Variants in CSMD2 observed in about 807,000 individuals in gnomAD.
CSMD2 encodes CUB and sushi domain-containing protein 2.
Under a neutral mutation model 398.5 loss-of-function variants are expected in CSMD2, and 130 were observed. The observed-to-expected ratio is 0.33, with a 90% CI of 0.28 to 0.38. The LOEUF is 0.38. Among genes scored for constraint, CSMD2 ranks in the 10% least tolerant of loss-of-function variants. CSMD2 has a pLI of 1.00. For missense variants in CSMD2, 3,829 were observed against 4,764.9 expected, an observed-to-expected ratio of 0.80 and a Z score of 5.78; for synonymous variants, 1,828 against 1,908.5, an observed-to-expected ratio of 0.96 and a Z score of 1.10.
intron 3 of CSMD2, among the ~76,000 whole-genome samples, chr1:33,984,334 G>A (rs877807): frequency 0.23 from 35,030 of 151,778 alleles, 4,927 homozygotes; most frequent in Non-Finnish European, 0.32. Context: ...TCTTGAAAGT[G>A]CAACAGGTTC....
intron 25 of CSMD2, among the ~76,000 whole-genome samples, chr1:33,680,907 C>T (rs558783878): frequency 2.2e-5 from 3 of 136,396 alleles, no homozygotes; most frequent in Admixed American, 7.7e-5. Flanking sequence ...TTTCCATCAT[C>T]CTGTTTTATG....
At position 33,519,668 on chromosome 1, in the gene CSMD2, G is replaced by A. The variant is rs1654074669; in HGVS notation, c.10746C>T (p.Pro3582=). The stretch of plus-strand genomic sequence containing the variant: ...CAGCATAGCCATTGAAAGGAACTTT[G>A]GGTCTTCTCCTGGCGATAAAAGAGG... ...VLYLYKHRRR[P]KVPFNGYAGH... Residue 3582 remains proline (P), a synonymous_variant, in exon 70 of 71, where the codon CCC becomes CCT. Coordinates refer to ENST00000373381, the MANE Select transcript of CSMD2 (RefSeq NM_001281956.2). The surrounding 1 kb of genome is among the most constrained non-coding windows in gnomAD (Gnocchi z 5.6). 1.2e-6 allele frequency: 2 copies of A among 1,613,936 alleles called. No individual in the cohort carries two copies. Among genetic ancestry groups the A allele is most frequent in the Non-Finnish European group, 1.7e-6 (2 of 1,180,012 alleles).
At chr1:33,554,174 G>GA (rs1657735451) in intron 55 of CSMD2, among the ~76,000 whole-genome samples, 1 of 131,608 alleles carries the variant, frequency 7.6e-6, no homozygotes, top group South Asian at 2.4e-4. Flanking sequence ...TTTAAAGGTA[G>GA]AAAAAACAGC....
chr1:33,952,677 C>CAT (rs1645043264), intron 3 of CSMD2, among the ~76,000 whole-genome samples: 1 of 119,764 alleles, frequency 8.3e-6, no homozygotes, highest in Non-Finnish European at 1.6e-5. Flanking sequence ...TTGTTGTTTA[C>CAT]ACACACACAC....
intron 24 of CSMD2, among the ~76,000 whole-genome samples, chr1:33,693,564 A>G (rs1405877701): frequency 6.6e-6 from 1 of 152,230 alleles, no homozygotes; most frequent in African/African-American, 2.4e-5. Context: ...CATAGTCACC[A>G]TATGACCTAG....
chr1:33,521,119 C>T (rs1352873979), intron 68 of CSMD2, among the ~76,000 whole-genome samples: 1 of 152,184 alleles, frequency 6.6e-6, no homozygotes, highest in African/African-American at 2.4e-5. Flanking sequence ...AGACACTCCA[C>T]AGTGTCGTTG....
At chr1:34,068,865 C>T (rs1313821254) in intron 2 of CSMD2, among the ~76,000 whole-genome samples, 2 of 152,160 alleles carry the variant, frequency 1.3e-5, no homozygotes, top group African/African-American at 4.8e-5. Context: ...TTGCTCTTTG[C>T]CTGCTGCCAT....
intron 12 of CSMD2, among the ~76,000 whole-genome samples, chr1:33,784,501 G>C (rs191177978): frequency 2.0e-4 from 31 of 152,344 alleles, no homozygotes; most frequent in Middle Eastern, 3.4e-3. Context: ...TTTTCACTGA[G>C]CCAGGTTCCA....
intron 29 of CSMD2, among the ~76,000 whole-genome samples, chr1:33,638,148 G>A (rs898263059): frequency 6.6e-6 from 1 of 152,240 alleles, no homozygotes; most frequent in East Asian, 1.9e-4. Flanking sequence ...ACTCGTCACA[G>A]GGCACTCCTC....
At chr1:33,989,892 G>C (rs184260860) in intron 3 of CSMD2, among the ~76,000 whole-genome samples, 2 of 152,300 alleles carry the variant, frequency 1.3e-5, no homozygotes, top group East Asian at 3.9e-4. Context: ...GGGCGATGGA[G>C]ATGTTTATGT....
In CSMD2 at chr1:33,533,124, G is replaced by A. The variant is rs1283339217; in HGVS notation, c.10097C>T (p.Ser3366Phe). The change falls in exon 64 of 71, where the codon TCC (serine) becomes TTC (phenylalanine). Residue 3366 changes from serine to phenylalanine, a missense_variant. By Grantham distance (155) the Ser-to-Phe change is radical (BLOSUM62 -2). Transcript: ENST00000373381. The surrounding 1 kb of genome is among the most constrained non-coding windows in gnomAD (Gnocchi z 4.2). Reference protein sequence around the residue: ...TLIYSCQEGFSLKGGSEHRTC... With the variant: ...TLIYSCQEGFFLKGGSEHRTC... ...GCGGTGCTCGGAGCCACCCTTGAGG[G>A]AGAAGCCCTCCTGGCAGGAGTAGAT... The A allele has an allele frequency of 3.1e-6, 5 of 1,614,038 alleles. No homozygotes were observed. The highest frequency in any genetic ancestry group is 1.7e-4 in the Middle Eastern group (1 of 6,058).
intron 7 of CSMD2, among the ~76,000 whole-genome samples, chr1:33,823,211 G>A (rs939763267): frequency 1.3e-5 from 2 of 152,156 alleles, no homozygotes; most frequent in Non-Finnish European, 2.9e-5. Context: ...GCACCATCCA[G>A]AAAGTCACAA....
At chr1:33,539,600 G>A (rs1441602451) in intron 60 of CSMD2, among the ~76,000 whole-genome samples, 1 of 152,192 alleles carries the variant, frequency 6.6e-6, no homozygotes, top group African/African-American at 2.4e-5. Context: ...ATCAAAAGCT[G>A]AACTGTGGTT....
intron 25 of CSMD2, among the ~76,000 whole-genome samples, chr1:33,664,197 T>G (rs1644234996): frequency 6.6e-6 from 1 of 152,240 alleles, no homozygotes; most frequent in South Asian, 2.1e-4. Flanking sequence ...CAACCTGTTC[T>G]CCAGAGCTAT....
Position 33,825,047 on chromosome 1 carries a change from C to T in CSMD2, c.1111+650G>A, listed in dbSNP as rs565969511. On this transcript the variant is annotated intron_variant, in intron 7 of 70. Transcript: ENST00000373381. ...GGCCCTGATCAGGTGTTTCTGGGACCCACATTCCAGACCATTCCCCAGAAC... is the reference window on the plus strand; with the variant it reads ...GGCCCTGATCAGGTGTTTCTGGGACTCACATTCCAGACCATTCCCCAGAAC... Among the ~76,000 whole-genome samples the T allele has an allele frequency of 2.0e-5, 3 of 152,232 alleles. No individual in the cohort carries two copies. The East Asian group carries it at 5.8e-4, about 30-fold the overall frequency.
intron 1 of CSMD2, among the ~76,000 whole-genome samples, chr1:34,155,378 T>C (rs1379328000): frequency 6.6e-6 from 1 of 152,170 alleles, no homozygotes; most frequent in Non-Finnish European, 1.5e-5. Flanking sequence ...AATTTTCCTC[T>C]TGCTATAGTT....
chr1:33,583,410 C>T (rs1638864134), intron 47 of CSMD2, among the ~76,000 whole-genome samples: 1 of 152,156 alleles, frequency 6.6e-6, no homozygotes, highest in Admixed American at 6.5e-5. Flanking sequence ...TGAGTGGGAG[C>T]TAGAGTAAGA....
Position 33,622,281 on chromosome 1 carries a change from G to A in CSMD2, c.5723-10C>T. Reference sequence around the variant, plus strand: ...GCAGGCACGGTTGTTCCTAGGGCAAGGACACCAGGGAAAACCATTTAAGTT... The same window carrying A: ...GCAGGCACGGTTGTTCCTAGGGCAAAGACACCAGGGAAAACCATTTAAGTT... On this transcript the variant is annotated splice_polypyrimidine_tract_variant and intron_variant, in intron 36 of 70. Transcript: ENST00000373381. The A allele has an allele frequency of 6.2e-7, 1 of 1,604,282 alleles. No homozygotes were observed.
At chr1:33,617,412 TG>T in intron 38 of CSMD2, 86 bp downstream of exon 38, 1 of 986,200 alleles carries the variant, frequency 1.0e-6, no homozygotes, top group Non-Finnish European at 1.6e-6. Flanking sequence ...CCCTGTTCTT[TG>T]GTGACTGTAG....
Sources: allele counts gnomAD v4.1 joint callset (sites outside exome capture counted in the v4.1 genomes callset), GRCh38; gene constraint gnomAD v4.1.1; non-coding constraint Gnocchi (gnomAD v3.1); transcripts MANE v1.5; gene names NCBI Gene and HGNC (gene_info 2026-07-23, HGNC 2026-07-21).